Variants in XKR9 observed in about 807,000 individuals in gnomAD.
XKR9 encodes the protein XK related 9.
In XKR9, 32 loss-of-function variants were observed where a neutral mutation model predicts 32.0. That is an observed-to-expected ratio of 1.00 (90% CI 0.76 to 1.34). XKR9 has a LOEUF of 1.34. Among genes scored for constraint, XKR9 ranks in the 40% most tolerant of loss-of-function variants. The probability of loss-of-function intolerance (pLI) is 0.00; values close to 1 mark genes in which losing one functional copy is unlikely to be tolerated. For missense variants in XKR9, 546 were observed against 429.7 expected (o/e 1.27, Z -2.39); for synonymous variants, 168 against 143.4 (o/e 1.17, Z -1.22).
At chr8:70,855,794 C>A in the XKR9 span, among the ~76,000 whole-genome samples, 1 of 152,252 alleles carries the variant, frequency 6.6e-6, no homozygotes, top group Non-Finnish European at 1.5e-5. Flanking sequence ...AGAAACTCTA[C>A]AAGCCAGAAG....
At chr8:70,745,338 A>C (rs1395047949) in intron 2 of XKR9, among the ~76,000 whole-genome samples, 3 of 152,194 alleles carry the variant, frequency 2.0e-5, no homozygotes, top group Non-Finnish European at 2.9e-5. Flanking sequence ...CTAGATTATT[A>C]TGTGTATATA....
intron 2 of XKR9, among the ~76,000 whole-genome samples, chr8:70,761,850 C>T (rs942085535): frequency 1.3e-5 from 2 of 152,028 alleles, no homozygotes; most frequent in Admixed American, 1.3e-4. Flanking sequence ...AGTCTTTAAT[C>T]CATCTTGAGT....
downstream of XKR9, among the ~76,000 whole-genome samples, chr8:70,792,541 T>C (rs1049132580): frequency 5.3e-5 from 8 of 151,910 alleles, no homozygotes; most frequent in Non-Finnish European, 1.0e-4. Flanking sequence ...AGAAATGAAC[T>C]ATGGAGTGAA....
At chr8:70,720,868 A>G (rs908262207) in intron 4 of XKR9, among the ~76,000 whole-genome samples, 1 of 152,196 alleles carries the variant, frequency 6.6e-6, no homozygotes, top group Admixed American at 6.5e-5. Flanking sequence ...TAGTTCCCCA[A>G]GGAATGGTAC....
At chr8:70,741,830 AT>A (rs1235069355) in intron 2 of XKR9, among the ~76,000 whole-genome samples, 1 of 152,126 alleles carries the variant, frequency 6.6e-6, no homozygotes, top group Non-Finnish European at 1.5e-5. Context: ...CAGAAGTAGG[AT>A]TTCTTGATCA....
chr8:71,010,016 C>G, the XKR9 span, among the ~76,000 whole-genome samples: 6 of 152,158 alleles, frequency 3.9e-5, no homozygotes, highest in Non-Finnish European at 7.3e-5. Flanking sequence ...CAGGAGAAGA[C>G]CTGGGCTTCA....
the XKR9 span, among the ~76,000 whole-genome samples, chr8:71,040,958 G>GA: frequency 6.6e-6 from 1 of 152,012 alleles, no homozygotes; most frequent in African/African-American, 2.4e-5. Context: ...TCTGAACATA[G>GA]AAAAAATCTC....
At chr8:70,880,155 A>G in the XKR9 span, among the ~76,000 whole-genome samples, 2 of 152,272 alleles carry the variant, frequency 1.3e-5, no homozygotes, top group South Asian at 2.1e-4. Flanking sequence ...TGACACACCC[A>G]TAGTCAATAT....
chr8:70,714,757 T>C (rs959085269), intron 4 of XKR9, among the ~76,000 whole-genome samples: 2 of 152,198 alleles, frequency 1.3e-5, no homozygotes, highest in African/African-American at 4.8e-5. Context: ...TGATGTCTTA[T>C]TTAGTGAACA....
At chr8:70,842,661 A>C in the XKR9 span, among the ~76,000 whole-genome samples, 7 of 152,196 alleles carry the variant, frequency 4.6e-5, no homozygotes, top group East Asian at 1.4e-3. Context: ...CCTGGCTCTC[A>C]TTATCATTAA....
chr8:71,004,925 G>A, the XKR9 span, among the ~76,000 whole-genome samples: 4 of 151,412 alleles, frequency 2.6e-5, no homozygotes, highest in Admixed American at 2.6e-4. Context: ...TCAAACTCCT[G>A]GGCTCAAAAC....
At chr8:70,765,260 T>C (rs1015158422) in intron 2 of XKR9, among the ~76,000 whole-genome samples, 3 of 152,200 alleles carry the variant, frequency 2.0e-5, no homozygotes, top group African/African-American at 7.2e-5. Flanking sequence ...ATCTGCTGTT[T>C]CCTGAATTTT....
At chr8:70,946,409 TC>T in the XKR9 span, among the ~76,000 whole-genome samples, 1 of 152,120 alleles carries the variant, frequency 6.6e-6, no homozygotes, top group African/African-American at 2.4e-5. Context: ...GCCTCCTCCA[TC>T]TTTCCACTGA....
chr8:70,683,051 C>T (rs1033199007), intron 3 of XKR9, among the ~76,000 whole-genome samples: 16 of 152,180 alleles, frequency 1.1e-4, no homozygotes, highest in African/African-American at 3.6e-4. Flanking sequence ...GGTTTTCAAC[C>T]TCTTGTTCTG....
At position 70,734,115 on chromosome 8, in the gene XKR9, T is replaced by G; in HGVS notation, c.813T>G (p.Leu271=). ...ATAGGATTGTTGTTGGATTCATTCTTATCTTTACATTTTTTAATATTAAGG... is the reference window on the plus strand; with the variant it reads ...ATAGGATTGTTGTTGGATTCATTCTGATCTTTACATTTTTTAATATTAAGG... ...FLYRIVVGFI[L]IFTFFNIKGQ... Residue 271 remains leucine (L), a synonymous_variant, in exon 5 of 5, where the codon CTT becomes CTG. Coordinates refer to ENST00000408926, the MANE Select transcript of XKR9 (RefSeq NM_001011720.2). The G allele has an allele frequency of 6.2e-7, 1 of 1,612,570 alleles. No homozygotes were observed. Among genetic ancestry groups the G allele is most frequent in the Non-Finnish European group, 8.5e-7 (1 of 1,178,942 alleles).
chr8:70,843,867 C>T, the XKR9 span, among the ~76,000 whole-genome samples: 1 of 152,150 alleles, frequency 6.6e-6, no homozygotes, highest in Non-Finnish European at 1.5e-5. Context: ...ATTTTGAGAG[C>T]TCAGCCCCCA....
chr8:70,922,262 T>C, the XKR9 span, among the ~76,000 whole-genome samples: 1 of 152,204 alleles, frequency 6.6e-6, no homozygotes, highest in African/African-American at 2.4e-5. Flanking sequence ...CAGAACTTAG[T>C]CTTTTTGGCA....
chr8:70,823,645 GA>G, the XKR9 span, among the ~76,000 whole-genome samples: 2 of 152,198 alleles, frequency 1.3e-5, no homozygotes, highest in African/African-American at 4.8e-5. Flanking sequence ...TTTGGTAAGA[GA>G]AAATTGCTAT....
intron 2 of XKR9, among the ~76,000 whole-genome samples, chr8:70,757,388 TC>T (rs1426418059): frequency 6.6e-6 from 1 of 152,180 alleles, no homozygotes; most frequent in Non-Finnish European, 1.5e-5. Flanking sequence ...TTCTTTCAGT[TC>T]AAACATCCTG....
Sources: allele counts gnomAD v4.1 joint callset (sites outside exome capture counted in the v4.1 genomes callset), GRCh38; gene constraint gnomAD v4.1.1; transcripts MANE v1.5; gene names NCBI Gene and HGNC (gene_info 2026-07-23, HGNC 2026-07-21).